Variants in C1QTNF5 observed in about 807,000 individuals in gnomAD.
The protein encoded by C1QTNF5 is complement C1q tumor necrosis factor-related protein 5.
Under a neutral mutation model 10.9 loss-of-function variants are expected in C1QTNF5, and 5 were observed. That is an observed-to-expected ratio of 0.46 (90% CI 0.24 to 0.97). The LOEUF (loss-of-function observed/expected upper bound fraction) is 0.97. Among genes scored for constraint, C1QTNF5 ranks in the 50% least tolerant of loss-of-function variants. The probability of loss-of-function intolerance (pLI) is 0.19; values close to 1 mark genes in which losing one functional copy is unlikely to be tolerated. For synonymous variants in C1QTNF5, 161 were observed against 156.5 expected, an observed-to-expected ratio of 1.03 and a Z score of -0.22; for missense variants, 281 against 339.4, an observed-to-expected ratio of 0.83 and a Z score of 1.35.
the C1QTNF5 span, chr11:119,346,248 C>T: frequency 1.3e-6 from 2 of 1,595,296 alleles, no homozygotes; most frequent in Non-Finnish European, 1.7e-6. Context: ...TGTCCTCCCC[C>T]AGGTCACCCC....
chr11:119,343,194 C>T (rs555930057), upstream of C1QTNF5, among the ~76,000 whole-genome samples: 22 of 152,314 alleles, frequency 1.4e-4, no homozygotes, highest in Admixed American at 5.2e-4. Context: ...TGTCTGAACT[C>T]GAGCCACTTC....
upstream of C1QTNF5, chr11:119,342,637 C>T: frequency 9.9e-6 from 16 of 1,613,626 alleles, no homozygotes; most frequent in Non-Finnish European, 1.4e-5. Context: ...GTCATCGCTG[C>T]CATCGGTGCA....
chr11:119,342,756 C>T (rs199608492), upstream of C1QTNF5: 166 of 1,613,218 alleles, frequency 1.0e-4, 1 homozygote, highest in Middle Eastern at 1.6e-4. Flanking sequence ...TGGCAGTGCC[C>T]GGGGACATAC....
the C1QTNF5 span, chr11:119,346,324 A>G: frequency 6.2e-7 from 1 of 1,613,796 alleles, no homozygotes; most frequent in Non-Finnish European, 8.5e-7. Flanking sequence ...AAACTGGGGG[A>G]GGGCAGGGTG....
chr11:119,341,314 G>T (rs531117377), upstream of C1QTNF5: 253 of 576,168 alleles, frequency 4.4e-4, 2 homozygotes, highest in South Asian at 5.2e-3. Flanking sequence ...TCGATTGTCC[G>T]GTGGCACAGT....
chr11:119,346,483 T>G, the C1QTNF5 span: 4 of 1,614,012 alleles, frequency 2.5e-6, no homozygotes, highest in Admixed American at 6.7e-5. Flanking sequence ...GTTGCCTCCA[T>G]GCAGAGGATG....
upstream of C1QTNF5, chr11:119,342,493 G>C (rs1182648639): frequency 2.0e-6 from 3 of 1,469,444 alleles, no homozygotes; most frequent in Admixed American, 6.1e-5. Context: ...AGCTGGCCCC[G>C]CCCCCTCAGG....
upstream of C1QTNF5, chr11:119,344,444 A>C: frequency 6.3e-7 from 1 of 1,577,588 alleles, no homozygotes; most frequent in Non-Finnish European, 8.7e-7. Context: ...GCCTCCATCC[A>C]ATAGGGCTGG....
At chr11:119,340,522 C>T (rs925509347) in intron 1 of C1QTNF5, 82 bp from the exon 2 acceptor site, 14 of 1,026,120 alleles carry the variant, frequency 1.4e-5, no homozygotes, top group Admixed American at 1.3e-4. Flanking sequence ...CCCAGTCGGT[C>T]CCCACCCCAC....
At position 119,340,693 on chromosome 11, in the gene C1QTNF5, A is replaced by AC. The variant is rs1255377526; in HGVS notation, c.-44+1dup. On this transcript the variant is annotated splice_donor_variant, in intron 1 of 2. Coordinates refer to ENST00000528368, the MANE Select transcript of C1QTNF5 (RefSeq NM_001278431.2). LOFTEE classifies it low-confidence loss of function (5UTR_SPLICE). Reference sequence around the variant, plus strand: ...CCCTTTCCCCTCCTCCGCCAGACTCACCCCCCCTCCCGGCTCCCCGATGGC... The same window carrying AC: ...CCCTTTCCCCTCCTCCGCCAGACTCACCCCCCCCTCCCGGCTCCCCGATGGC... 16 of 344,794 alleles carry AC rather than the reference A, an allele frequency of 4.6e-5. No homozygotes were observed. Among genetic ancestry groups the AC allele is most frequent in the African/African-American group, 1.4e-4 (4 of 28,574 alleles). The allele number at this position is 344,794 out of a possible 1,614,324, so 21.4% of individuals were successfully genotyped here. A position where few individuals can be genotyped will look rare whatever the true frequency, so the allele number is the denominator to read the frequency against.
upstream of C1QTNF5, chr11:119,344,609 G>A: frequency 6.2e-7 from 1 of 1,613,884 alleles, no homozygotes; most frequent in Non-Finnish European, 8.5e-7. Context: ...CCTGAAGAGA[G>A]GACCCCCATG....
upstream of C1QTNF5, chr11:119,345,290 A>G (rs936478735): frequency 2.0e-5 from 19 of 958,158 alleles, no homozygotes; most frequent in Non-Finnish European, 2.9e-5. Flanking sequence ...AGGTGGTGGC[A>G]GAGCTGGGCC....
At chr11:119,343,883 C>G (rs563717527), upstream of C1QTNF5, 1 of 1,613,824 alleles carries the variant, frequency 6.2e-7, no homozygotes. Flanking sequence ...AACTTGCACT[C>G]GTCCTGAGCC....
upstream of C1QTNF5, chr11:119,341,667 C>T (rs370338294): frequency 6.2e-7 from 1 of 1,612,944 alleles, no homozygotes; most frequent in Non-Finnish European, 8.5e-7. Context: ...TCCTGGCAGA[C>T]AGAGCGGCAA....
chr11:119,344,084 G>A, upstream of C1QTNF5: 4 of 1,367,444 alleles, frequency 2.9e-6, no homozygotes, highest in South Asian at 2.4e-5. Context: ...TTCATCATTG[G>A]TGGTTCTTAA....
In C1QTNF5 at chr11:119,339,933, C is replaced by G. The variant is rs1950483371; in HGVS notation, c.215-85G>C. 3.6e-6 allele frequency: 5 copies of G among 1,401,652 alleles called. No homozygotes were observed. In the East Asian group the frequency reaches 1.4e-4, roughly 38 times the overall value. The allele number at this position is 1,401,652 out of a possible 1,614,324, so 86.8% of individuals were successfully genotyped here. A position where few individuals can be genotyped will look rare whatever the true frequency, so the allele number is the denominator to read the frequency against. On this transcript the variant is annotated intron_variant, in intron 2 of 2. Transcript: ENST00000528368. The surrounding 1 kb of genome is among the most constrained non-coding windows in gnomAD (Gnocchi z 5.4). The stretch of plus-strand genomic sequence containing the variant: ...GCGACTCTAAGGTCACCGTACCCCT[C>G]CCCGCCCCTGCCTGAGCTTCGGCCA...
chr11:119,339,247 G>C lies in C1QTNF5; in HGVS notation c.*84C>G. 1 of 1,473,594 alleles carries C rather than the reference G, an allele frequency of 6.8e-7. No homozygotes were observed. The highest frequency in any genetic ancestry group is 9.2e-7 in the Non-Finnish European group (1 of 1,082,420). The allele number at this position is 1,473,594 out of a possible 1,614,324, so 91.3% of individuals were successfully genotyped here. ...CCTAGTCATTCACAATATTCCAGGG[G>C]GGCCAGCCCTCCTGGATGACCTGGT... On this transcript the variant is annotated 3_prime_UTR_variant, in exon 3 of 3. Coordinates refer to ENST00000528368, the MANE Select transcript of C1QTNF5 (RefSeq NM_001278431.2). The surrounding 1 kb of genome is among the most constrained non-coding windows in gnomAD (Gnocchi z 5.4).
the C1QTNF5 span, chr11:119,346,388 A>T: frequency 6.2e-7 from 1 of 1,613,622 alleles, no homozygotes. Flanking sequence ...GAAGGGGGAG[A>T]TACTTGAGGG....
upstream of C1QTNF5, chr11:119,345,377 G>A (rs1164462254): frequency 1.9e-6 from 3 of 1,584,876 alleles, no homozygotes; most frequent in Admixed American, 1.7e-5. Flanking sequence ...TTTAGATAGT[G>A]GTTCAGGACA....
Sources: gnomAD v4.1 joint callset for allele counts (sites outside exome capture counted in the v4.1 genomes callset) on GRCh38, gnomAD v4.1.1 for gene constraint, Gnocchi (gnomAD v3.1) non-coding constraint, MANE v1.5 for transcripts, NCBI Gene and HGNC (gene_info 2026-07-23, HGNC 2026-07-21) for gene names.